The following SGCZ variants were observed in gnomAD, a reference collection of about 807,000 sequenced individuals.
The protein encoded by SGCZ is zeta-sarcoglycan.
Under a neutral mutation model 41.3 loss-of-function variants are expected in SGCZ, and 40 were observed. The ratio of observed to expected loss-of-function variants is 0.97; its 90% CI spans 0.75 to 1.26. The LOEUF is 1.26. Ranked by LOEUF, SGCZ falls within the 50% of genes most tolerant of loss-of-function variation. SGCZ has a pLI of 0.00. For synonymous variants in SGCZ, 206 were observed against 137.5 expected, an observed-to-expected ratio of 1.50 and a Z score of -3.49; for missense variants, 552 against 369.8, an observed-to-expected ratio of 1.49 and a Z score of -4.04.
rs34307530 is a variant in SGCZ at position 14,823,055 on chromosome 8, T to TAAAA, written c.40-268133_40-268130dup. Reference sequence around the variant, plus strand: ...GGCAATGAAGCCACACCAATCCTCATAAAAAAAAAAAAAAAAAAAAAAGAC... The same window carrying TAAAA: ...GGCAATGAAGCCACACCAATCCTCATAAAAAAAAAAAAAAAAAAAAAAAAAAGAC... On this transcript the variant is annotated intron_variant, in intron 1 of 7. Transcript: ENST00000382080. Among the ~76,000 whole-genome samples the TAAAA allele has an allele frequency of 1.3e-3, 96 of 75,456 alleles. 1 individual carries two copies. The highest frequency in any genetic ancestry group is 3.8e-3 in the African/African-American group (84 of 21,920). 49.5% of individuals were successfully genotyped at this position (75,456 alleles called of 152,430 possible). A position where few individuals can be genotyped will look rare whatever the true frequency, so the allele number is the denominator to read the frequency against.
At chr8:14,989,691 C>T (rs1370731081) in intron 1 of SGCZ, among the ~76,000 whole-genome samples, 1 of 152,158 alleles carries the variant, frequency 6.6e-6, no homozygotes, top group African/African-American at 2.4e-5. Flanking sequence ...GTCACCCTCA[C>T]TTGTCAAGGT....
chr8:15,190,400 G>C (rs879422935), intron 1 of SGCZ, among the ~76,000 whole-genome samples: 2 of 151,860 alleles, frequency 1.3e-5, no homozygotes, highest in Non-Finnish European at 2.9e-5. Context: ...CATGCAATAG[G>C]CTTGACACGG....
intron 1 of SGCZ, among the ~76,000 whole-genome samples, chr8:14,828,476 G>T (rs1225296341): frequency 1.3e-5 from 2 of 152,208 alleles, no homozygotes; most frequent in African/African-American, 4.8e-5. Flanking sequence ...TAAATGAGCT[G>T]CAGACAAGTG....
intron 3 of SGCZ, among the ~76,000 whole-genome samples, chr8:14,238,976 T>C (rs1015523608): frequency 6.6e-6 from 1 of 151,804 alleles, no homozygotes; most frequent in African/African-American, 2.4e-5. Flanking sequence ...TATGTATATA[T>C]ATAAAAATTC....
intron 5 of SGCZ, among the ~76,000 whole-genome samples, chr8:14,144,488 G>C (rs577017553): frequency 3.9e-5 from 6 of 152,184 alleles, no homozygotes; most frequent in Non-Finnish European, 7.3e-5. Flanking sequence ...CAGGAACTAT[G>C]TTGAGGGCAT....
intron 2 of SGCZ, among the ~76,000 whole-genome samples, chr8:14,532,427 A>T (rs1803161243): frequency 6.6e-6 from 1 of 152,004 alleles, no homozygotes; most frequent in Non-Finnish European, 1.5e-5. Context: ...GTCCTCAATG[A>T]TTACTACATA....
chr8:14,451,039 G>T (rs148044571), intron 2 of SGCZ, among the ~76,000 whole-genome samples: 252 of 152,252 alleles, frequency 1.7e-3, no homozygotes, highest in African/African-American at 5.5e-3. Flanking sequence ...AGAGCAGAGG[G>T]TACTTGTTTT....
At chr8:15,042,222 T>C (rs2130979365) in intron 1 of SGCZ, among the ~76,000 whole-genome samples, 1 of 152,280 alleles carries the variant, frequency 6.6e-6, no homozygotes, top group South Asian at 2.1e-4. Context: ...TAGACCAGCC[T>C]TCATTCCTGT....
intron 1 of SGCZ, among the ~76,000 whole-genome samples, chr8:14,880,762 T>A (rs959162334): frequency 2.6e-5 from 4 of 151,850 alleles, no homozygotes; most frequent in Admixed American, 2.6e-4. Flanking sequence ...TTGAGAACAC[T>A]TGGACACAGG....
At position 14,087,830 on chromosome 8, in the gene SGCZ, T is replaced by A. The variant is rs1669174002; in HGVS notation, c.*2613A>T. Among the ~76,000 whole-genome samples, 1 of 151,708 alleles carries A rather than the reference T, an allele frequency of 6.6e-6. No individual in the cohort carries two copies. The highest frequency in any genetic ancestry group is 2.1e-4 in the South Asian group (1 of 4,830). ...TCTGAGGCAGGGATCTTGGCTTAGA[T>A]TCAGAAATCTGAAACAGCTAGTCAG... On this transcript the variant is annotated 3_prime_UTR_variant, in exon 8 of 8. Transcript: ENST00000382080.
At chr8:14,639,969 G>T (rs1471516466) in intron 1 of SGCZ, among the ~76,000 whole-genome samples, 1 of 151,578 alleles carries the variant, frequency 6.6e-6, no homozygotes, top group Non-Finnish European at 1.5e-5. Context: ...AGAGCAGAAA[G>T]ATAAATCCCG....
At chr8:15,014,755 G>T (rs1374217727) in intron 1 of SGCZ, among the ~76,000 whole-genome samples, 1 of 152,170 alleles carries the variant, frequency 6.6e-6, no homozygotes, top group Admixed American at 6.5e-5. Flanking sequence ...CTTTATAAAA[G>T]GCTTGATTCC....
intron 1 of SGCZ, among the ~76,000 whole-genome samples, chr8:14,785,098 G>C (rs919216029): frequency 6.7e-6 from 1 of 149,940 alleles, no homozygotes; most frequent in African/African-American, 2.4e-5. Context: ...ATACTACAAA[G>C]TCATTGTTTT....
chr8:15,004,464 T>G (rs1026154860), intron 1 of SGCZ, among the ~76,000 whole-genome samples: 1 of 151,994 alleles, frequency 6.6e-6, no homozygotes, highest in Non-Finnish European at 1.5e-5. Context: ...GTGGGAAAAC[T>G]AGACCAAAAA....
chr8:15,017,628 C>G (rs114214570), intron 1 of SGCZ, among the ~76,000 whole-genome samples: 4 of 152,178 alleles, frequency 2.6e-5, no homozygotes, highest in African/African-American at 9.6e-5. Context: ...ACCGAAGTCT[C>G]CCATGTAGCT....
chr8:14,520,669 A>G (rs1802761762), intron 2 of SGCZ, among the ~76,000 whole-genome samples: 1 of 152,142 alleles, frequency 6.6e-6, no homozygotes, highest in African/African-American at 2.4e-5. Flanking sequence ...AAAAGAGAGA[A>G]GTGATTAAAA....
intron 2 of SGCZ, among the ~76,000 whole-genome samples, chr8:14,479,907 G>A (rs1801487359): frequency 4.5e-5 from 2 of 44,352 alleles, no homozygotes. Flanking sequence ...TAGCACGCTC[G>A]ACTAATTTTG....
At chr8:14,363,016 T>A (rs1371513998) in intron 2 of SGCZ, among the ~76,000 whole-genome samples, 1 of 152,180 alleles carries the variant, frequency 6.6e-6, no homozygotes, top group Non-Finnish European at 1.5e-5. Context: ...TTGCTCAATA[T>A]GTGGATGACA....
intron 1 of SGCZ, among the ~76,000 whole-genome samples, chr8:15,080,955 C>T (rs776256597): frequency 3.3e-5 from 5 of 151,970 alleles, no homozygotes; most frequent in Non-Finnish European, 5.9e-5. Context: ...GGGAAGACCA[C>T]GTGAAGACAC....
Sources: allele counts gnomAD v4.1 joint callset (sites outside exome capture counted in the v4.1 genomes callset), GRCh38; gene constraint gnomAD v4.1.1; transcripts MANE v1.5; gene names NCBI Gene and HGNC (gene_info 2026-07-23, HGNC 2026-07-21).